CCZ1: variants seen among roughly 807,000 people sequenced by gnomAD.
The protein encoded by CCZ1 is CCZ1 vacuolar protein trafficking and biogenesis associated, also known as vacuolar fusion protein CCZ1 homolog.
Under a neutral mutation model 57.8 loss-of-function variants are expected in CCZ1, and 19 were observed. That is an observed-to-expected ratio of 0.33 (90% CI 0.23 to 0.48). The LOEUF (loss-of-function observed/expected upper bound fraction) is 0.48, where lower values mean the gene tolerates loss of function less well. Among genes scored for constraint, CCZ1 ranks in the 20% least tolerant of loss-of-function variants. The pLI, the probability that CCZ1 is intolerant of heterozygous loss-of-function variation, is 0.99. For missense variants in CCZ1, 200 were observed against 492.0 expected, an observed-to-expected ratio of 0.41 and a Z score of 5.61; for synonymous variants, 81 against 167.0, an observed-to-expected ratio of 0.49 and a Z score of 3.97.
intron 7 of CCZ1, among the ~76,000 whole-genome samples, 198 bp from the exon 8 acceptor site, chr7:5,909,834 AAGG>A (rs1379036561): frequency 6.6e-6 from 1 of 151,400 alleles, no homozygotes; most frequent in East Asian, 1.9e-4. Flanking sequence ...GTTTAGGAAA[AAGG>A]AAACTCATTT....
At position 5,909,234 on chromosome 7, in the gene CCZ1, C is replaced by T. The variant is rs958194608; in HGVS notation, c.699-801C>T. ...CCTTTACCTTCCTTAACTTCGCAGT[C>T]AGGTGGTGAGCCTCTTGATATAATG... On this transcript the variant is annotated intron_variant, in intron 7 of 14. Coordinates refer to ENST00000325974, the MANE Select transcript of CCZ1 (RefSeq NM_015622.6). Among the ~76,000 whole-genome samples the T allele has an allele frequency of 1.1e-4, 16 of 148,934 alleles. 1 individual carries two copies. Among genetic ancestry groups the T allele is most frequent in the African/African-American group, 3.7e-4 (15 of 40,066 alleles).
At chr7:5,913,097 G>A (rs1200957816) in intron 10 of CCZ1, 143 bp downstream of exon 10, 1 of 740,442 alleles carries the variant, frequency 1.4e-6, no homozygotes, top group Non-Finnish European at 2.2e-6. Context: ...CTCAAAATGG[G>A]TGTTCTTCCA....
chr7:5,910,548 G>C (rs529396781), intron 8 of CCZ1, among the ~76,000 whole-genome samples: 1 of 145,362 alleles, frequency 6.9e-6, no homozygotes, highest in South Asian at 2.4e-4. Context: ...GGCTGGTCTC[G>C]AACTCCTGAC....
chr7:5,906,129 C>T (rs1781814635), intron 7 of CCZ1, among the ~76,000 whole-genome samples: 1 of 147,102 alleles, frequency 6.8e-6, no homozygotes, highest in Non-Finnish European at 1.5e-5. Flanking sequence ...TATCGTGAAA[C>T]TAGGTTTGTG....
Position 5,902,521 on chromosome 7 carries a change from C to A in CCZ1, c.439-140C>A, listed in dbSNP as rs541672117. The A allele has an allele frequency of 2.2e-6, 3 of 1,349,920 alleles. 1 individual carries two copies. The Admixed American group carries it at 9.7e-5, about 43-fold the overall frequency. The allele number at this position is 1,349,920 out of a possible 1,614,324, so 83.6% of individuals were successfully genotyped here. ...CTTACATTTTTAACTCAAGTTTTCTCATGTAAATATTCTCTGTTGGAAAGA... is the reference window on the plus strand; with the variant it reads ...CTTACATTTTTAACTCAAGTTTTCTAATGTAAATATTCTCTGTTGGAAAGA... On this transcript the variant is annotated intron_variant, in intron 5 of 14. Transcript: ENST00000325974.
chr7:5,909,376 G>A (rs1333157612), intron 7 of CCZ1, among the ~76,000 whole-genome samples: 1 of 150,746 alleles, frequency 6.6e-6, no homozygotes, highest in African/African-American at 2.5e-5. Context: ...AATCCAGCCT[G>A]GGCGACAGAC....
intron 7 of CCZ1, among the ~76,000 whole-genome samples, chr7:5,907,908 G>A (rs543664371): frequency 8.2e-6 from 1 of 121,674 alleles, no homozygotes; most frequent in Non-Finnish European, 1.7e-5. Context: ...ACCAGCCTGG[G>A]CAGCATAGTG....
chr7:5,900,795 G>A (rs1241262546), intron 3 of CCZ1, 60 bp from the exon 4 acceptor site: 6 of 1,561,276 alleles, frequency 3.8e-6, no homozygotes, highest in Non-Finnish European at 5.2e-6. Flanking sequence ...TTTAAATTAA[G>A]GCAAAATAAA....
At position 5,911,584 on chromosome 7, in the gene CCZ1, C is replaced by G. The variant is rs561973074; in HGVS notation, c.781-277C>G. On this transcript the variant is annotated intron_variant, in intron 8 of 14. Coordinates refer to ENST00000325974, the MANE Select transcript of CCZ1 (RefSeq NM_015622.6). ...TGCTGGGATTATAGGCATGAGCCAC[C>G]TCACCTGGCCAAAAATTTAAAAACT... Among the ~76,000 whole-genome samples the G allele has an allele frequency of 8.7e-5, 13 of 148,980 alleles. 1 individual carries two copies. The East Asian group carries it at 2.9e-3, about 33-fold the overall frequency.
intron 12 of CCZ1, among the ~76,000 whole-genome samples, chr7:5,920,469 G>GGTTTTTTT (rs1562546070): frequency 4.5e-5 from 1 of 22,146 alleles, no homozygotes; most frequent in Non-Finnish European, 7.6e-5. Flanking sequence ...TTTCTCCCTG[G>GGTTTTTTT]CTTTTTTTTT....
rs770164050 is a variant in CCZ1 at position 5,905,199 on chromosome 7, A to T, written c.628A>T (p.Ile210Phe). 7.0e-6 allele frequency: 11 copies of T among 1,566,658 alleles called. No individual in the cohort carries two copies. Among genetic ancestry groups the T allele is most frequent in the Non-Finnish European group, 7.8e-6 (9 of 1,154,966 alleles). ...GACTTATTTGAAAATCCAGTCCTTT[A>T]TTAATAGAATGGAGGAAAGCCTGAA... ...KMTYLKIQSFINRMEESLNIV... is the reference protein window; with the variant it reads ...KMTYLKIQSFFNRMEESLNIV... The change falls in exon 7 of 15, where the codon ATT becomes TTT. Residue 210 changes from isoleucine (I) to phenylalanine (F), a missense_variant. Ile to Phe is a conservative substitution (Grantham distance 21, BLOSUM62 0). Around this residue, in one of 5 missense-constraint regions of CCZ1, gnomAD observed 128 missense variants for 178.4 expected, o/e 0.72. Coordinates refer to ENST00000325974, the MANE Select transcript of CCZ1 (RefSeq NM_015622.6).
intron 8 of CCZ1, among the ~76,000 whole-genome samples, chr7:5,910,705 AT>A (rs1325835531): frequency 5.6e-4 from 24 of 42,672 alleles, no homozygotes; most frequent in Admixed American, 4.2e-3. Context: ...TATGTATTTT[AT>A]TTTATTTATT....
chr7:5,905,255 C>T lies in CCZ1; in HGVS notation c.684C>T (p.Asn228=), dbSNP rs373334067. 312 of 1,525,168 alleles carry T rather than the reference C, an allele frequency of 2.0e-4. 16 individuals carry two copies. The African/African-American group carries it at 4.4e-3, about 21-fold the overall frequency. 94.5% of individuals were successfully genotyped at this position (1,525,168 alleles called of 1,614,324 possible). Residue 228 remains asparagine (N), a synonymous_variant, in exon 7 of 15, where the codon AAC becomes AAT. Coordinates refer to ENST00000325974, the MANE Select transcript of CCZ1 (RefSeq NM_015622.6). ...NIVKYTAFLY[N]DQLIWSGLEQ... is the part of the protein sequence containing the mutation. Reference sequence around the variant, plus strand: ...TCAAATACACTGCTTTTCTCTATAACGATCAGCTCATCTGGTAGGTACACC... The same window carrying T: ...TCAAATACACTGCTTTTCTCTATAATGATCAGCTCATCTGGTAGGTACACC...
intron 6 of CCZ1, among the ~76,000 whole-genome samples, chr7:5,903,653 G>C (rs1253942365): frequency 3.5e-5 from 5 of 142,858 alleles, no homozygotes; most frequent in Admixed American, 2.7e-4. Flanking sequence ...CATATGGATA[G>C]AACTGTTGTC....
rs1416800558 is a variant in CCZ1, at chr7:5,908,011, G to A, written c.699-2024G>A. The stretch of plus-strand genomic sequence containing the variant: ...CAACTACAGAGACTACAGAGGTTGA[G>A]GCTGGAGAATCACTTGAGCCTGGAA... On this transcript the variant is annotated intron_variant, in intron 7 of 14. Coordinates refer to ENST00000325974, the MANE Select transcript of CCZ1 (RefSeq NM_015622.6). 3.5e-5 allele frequency among the ~76,000 whole-genome samples: 5 copies of A among 143,036 alleles called. 1 individual carries two copies. The highest frequency in any genetic ancestry group is 1.3e-4 in the African/African-American group (5 of 37,996). 93.8% of individuals were successfully genotyped at this position (143,036 alleles called of 152,430 possible). A position where few individuals can be genotyped will look rare whatever the true frequency, so the allele number is the denominator to read the frequency against.
intron 12 of CCZ1, among the ~76,000 whole-genome samples, chr7:5,922,854 C>T (rs1399144183): frequency 4.0e-5 from 6 of 149,496 alleles, no homozygotes; most frequent in African/African-American, 1.5e-4. Context: ...TCTCCTCAAG[C>T]AGGGGTCAGC....
chr7:5,912,377 CTTTTTTTTTTTTTTTTTTT>C (rs4036238), intron 9 of CCZ1, among the ~76,000 whole-genome samples: 4 of 54,672 alleles, frequency 7.3e-5, no homozygotes, highest in South Asian at 1.5e-3. Context: ...TCAGCATACC[CTTTTTTTTTTTTTTTTTTT>C]TTTTTTTTTT....
Position 5,923,911 on chromosome 7 carries a change from G to GT in CCZ1, c.1342_1343insT (p.Glu448ValfsTer15). On this transcript the variant is annotated frameshift_variant, in exon 14 of 15. Transcript: ENST00000325974. LOFTEE classifies it high-confidence loss of function. ...TGTTGGAAAGAAGTCTGATCGGCGG[G>GT]AGCTCTATGTTATTTTGAATCAAAA... 1.4e-6 allele frequency: 2 copies of GT among 1,475,272 alleles called. No homozygotes were observed. The highest frequency in any genetic ancestry group is 1.9e-6 in the Non-Finnish European group (2 of 1,063,594). 91.4% of individuals were successfully genotyped at this position (1,475,272 alleles called of 1,614,324 possible).
intron 1 of CCZ1, among the ~76,000 whole-genome samples, chr7:5,899,428 A>G (rs1583179284): frequency 7.3e-6 from 1 of 136,874 alleles, no homozygotes; most frequent in Admixed American, 7.4e-5. Context: ...GGATGTCCGG[A>G]GCTGTGTTTT....
Sources: gnomAD v4.1 joint callset for allele counts (sites outside exome capture counted in the v4.1 genomes callset) on GRCh38, gnomAD v4.1.1 for gene constraint, gnomAD v4.1.1 regional missense constraint, MANE v1.5 for transcripts, NCBI Gene and HGNC (gene_info 2026-07-23, HGNC 2026-07-21) for gene names.